Variants in DOCK7 observed in about 807,000 individuals in gnomAD.
The protein encoded by DOCK7 is dedicator of cytokinesis protein 7.
A neutral mutation model predicts 271.0 loss-of-function variants in DOCK7; 138 were observed. That is an observed-to-expected ratio of 0.51 (90% CI 0.44 to 0.59). The LOEUF is 0.59. Among genes scored for constraint, DOCK7 ranks in the 20% least tolerant of loss-of-function variants. The probability of loss-of-function intolerance (pLI) is 0.00; values close to 1 mark genes in which losing one functional copy is unlikely to be tolerated. For missense variants in DOCK7, 2,066 were observed against 2,592.4 expected (o/e 0.80, Z 4.41); for synonymous variants, 823 against 876.1 (o/e 0.94, Z 1.07).
intron 2 of DOCK7, among the ~76,000 whole-genome samples, chr1:62,662,733 C>T (rs891691933): frequency 1.3e-5 from 2 of 152,056 alleles, no homozygotes; most frequent in Non-Finnish European, 2.9e-5. Flanking sequence ...TGCACTCCAG[C>T]CTGGGCGACA....
intron 1 of DOCK7, among the ~76,000 whole-genome samples, chr1:62,664,891 G>C (rs1039748230): frequency 8.5e-5 from 13 of 152,106 alleles, no homozygotes; most frequent in Non-Finnish European, 1.6e-4. Flanking sequence ...TGAAATCTTT[G>C]AGAGGGAGAA....
At chr1:62,601,993 T>C (rs933284403) in intron 14 of DOCK7, 2 of 658,150 alleles carry the variant, frequency 3.0e-6, no homozygotes, top group Admixed American at 5.1e-5. Flanking sequence ...GAAATATATA[T>C]GAGTATTCGT....
rs1391800815 is a variant in DOCK7 at position 62,555,887 on chromosome 1, A to G, written c.2534T>C (p.Leu845Pro). 4 of 1,613,986 alleles carry G rather than the reference A, an allele frequency of 2.5e-6. No homozygotes were observed. Among genetic ancestry groups the G allele is most frequent in the Non-Finnish European group, 3.4e-6 (4 of 1,179,944 alleles). Residue 845 changes from leucine (L) to proline (P), a missense_variant, in exon 21 of 50, where the codon CTT becomes CCT. Coordinates refer to ENST00000635253, the MANE Select transcript of DOCK7 (RefSeq NM_001367561.1). ...GAAAACATAATGAATATATGATGCAAGAAGGCTGTTTCTGCCATGCTGGTC... is the reference window on the plus strand; with the variant it reads ...GAAAACATAATGAATATATGATGCAGGAAGGCTGTTTCTGCCATGCTGGTC... The part of the protein sequence containing the change: ...NHDQHGRNSL[L>P]ASYIHYVFRL...
At chr1:62,604,649 T>G (rs1650691452) in intron 14 of DOCK7, 2 of 1,613,138 alleles carry the variant, frequency 1.2e-6, no homozygotes. Context: ...GGTGGTGGCA[T>G]GATGAGTGTG....
At chr1:62,562,020 T>TACA in intron 18 of DOCK7, among the ~76,000 whole-genome samples, 2 of 148,266 alleles carry the variant, frequency 1.3e-5, no homozygotes, top group African/African-American at 5.2e-5. Context: ...GTACATATAT[T>TACA]TTTATACACA....
chr1:62,572,703 C>G (rs552841035), intron 18 of DOCK7, among the ~76,000 whole-genome samples: 12 of 152,212 alleles, frequency 7.9e-5, no homozygotes, highest in African/African-American at 2.6e-4. Context: ...AAGGCCCCAC[C>G]CTTATAACCT....
chr1:62,561,066 T>G (rs989383078), intron 19 of DOCK7, among the ~76,000 whole-genome samples: 9 of 152,096 alleles, frequency 5.9e-5, no homozygotes, highest in Admixed American at 1.3e-4. Flanking sequence ...CAGTAATAAG[T>G]GCAGGGTAAG....
At chr1:62,481,907 C>T (rs1012799422) in intron 43 of DOCK7, 1 of 152,190 alleles carries the variant, frequency 6.6e-6, no homozygotes, top group Non-Finnish European at 1.5e-5. Context: ...TTCCACAATG[C>T]TTCCTTTAAG....
At chr1:62,618,595 G>T in intron 14 of DOCK7, 111 bp downstream of exon 14, 1 of 937,244 alleles carries the variant, frequency 1.1e-6, no homozygotes, top group Non-Finnish European at 1.6e-6. Context: ...AAGAGATAGA[G>T]TTAAGTAACA....
At chr1:62,512,078 G>C (rs954825111) in intron 33 of DOCK7, among the ~76,000 whole-genome samples, 1 of 151,912 alleles carries the variant, frequency 6.6e-6, no homozygotes, top group Non-Finnish European at 1.5e-5. Context: ...GTGAAAAAAT[G>C]GTGCTCTATT....
intron 7 of DOCK7, among the ~76,000 whole-genome samples, chr1:62,637,814 A>T (rs1655469252): frequency 1.3e-5 from 2 of 152,172 alleles, no homozygotes; most frequent in South Asian, 4.1e-4. Flanking sequence ...AATAACCAAA[A>T]ATTAGAAAAG....
At chr1:62,601,084 CAGA>C in intron 14 of DOCK7, 1 of 1,560,374 alleles carries the variant, frequency 6.4e-7, no homozygotes, top group Non-Finnish European at 8.8e-7. Flanking sequence ...TTTATCAGCT[CAGA>C]AGGACTAGTA....
intron 14 of DOCK7, among the ~76,000 whole-genome samples, chr1:62,612,979 TC>T (rs1651981389): frequency 6.6e-6 from 1 of 152,234 alleles, no homozygotes; most frequent in Non-Finnish European, 1.5e-5. Flanking sequence ...AAACTGGATG[TC>T]AGTAAAACAC....
At chr1:62,527,479 G>A (rs1367798206) in intron 31 of DOCK7, among the ~76,000 whole-genome samples, 1 of 152,012 alleles carries the variant, frequency 6.6e-6, no homozygotes, top group African/African-American at 2.4e-5. Context: ...GTCCAACAAT[G>A]ATAGACTGGA....
Position 62,480,680 on chromosome 1 carries a change from T to C in DOCK7, c.5509-2855A>G, listed in dbSNP as rs1398965838. On this transcript the variant is annotated intron_variant, in intron 43 of 49. Coordinates refer to ENST00000635253, the MANE Select transcript of DOCK7 (RefSeq NM_001367561.1). Reference sequence around the variant, plus strand: ...ATTCAAATACTTATTGAGCCCTTACTATGTGTTAGCAAACTGTTCTAGATA... The same window carrying C: ...ATTCAAATACTTATTGAGCCCTTACCATGTGTTAGCAAACTGTTCTAGATA... 3.3e-5 allele frequency among the ~76,000 whole-genome samples: 5 copies of C among 152,192 alleles called. No homozygotes were observed. The East Asian group carries it at 9.6e-4, about 29-fold the overall frequency.
At position 62,618,773 on chromosome 1, in the gene DOCK7, C is replaced by T. The variant is rs1465867851; in HGVS notation, c.1615G>A (p.Val539Ile). 1.9e-6 allele frequency: 3 copies of T among 1,613,726 alleles called. No individual in the cohort carries two copies. The highest frequency in any genetic ancestry group is 2.5e-6 in the Non-Finnish European group (3 of 1,179,676). Residue 539 changes from valine (V) to isoleucine (I), a missense_variant, in exon 14 of 50, where the codon GTT becomes ATT. Val to Ile is a conservative substitution (Grantham distance 29, BLOSUM62 3). Coordinates refer to ENST00000635253, the MANE Select transcript of DOCK7 (RefSeq NM_001367561.1). Reference protein sequence around the residue: ...LQVKLYPDSRVRPTREILEFP... With the variant: ...LQVKLYPDSRIRPTREILEFP... ...TCTAAGATTTCTCTGGTAGGTCTAA[C>T]TCTACTGTCAGGGTAAAGCTTCACT...
chr1:62,582,599 G>GC (rs144467554), intron 16 of DOCK7, among the ~76,000 whole-genome samples: 1 of 125,560 alleles, frequency 8.0e-6, no homozygotes, highest in Admixed American at 7.8e-5. Flanking sequence ...AGAGCTGTGG[G>GC]CCCCAAAAAA....
chr1:62,583,195 T>C lies in DOCK7; in HGVS notation c.1860A>G (p.Val620=), dbSNP rs144838791. 1.7e-5 allele frequency: 28 copies of C among 1,612,334 alleles called. No homozygotes were observed. The African/African-American group carries it at 3.3e-4, about 19-fold the overall frequency. ...TTTGAATTCAGTACCTGTTATGATA[T>C]ACTACGGCTGTATAGGCTTCCTTTG... ...EFSKEAYTAV[V]YHNRSPDFHE... The change falls in exon 16 of 50, where the codon GTA becomes GTG. Residue 620 remains valine, a synonymous_variant. Coordinates refer to ENST00000635253, the MANE Select transcript of DOCK7 (RefSeq NM_001367561.1).
chr1:62,553,935 C>T (rs1235316730), intron 21 of DOCK7, among the ~76,000 whole-genome samples: 1 of 152,024 alleles, frequency 6.6e-6, no homozygotes, highest in Non-Finnish European at 1.5e-5. Flanking sequence ...GCTGGTGTCT[C>T]TTCCTTTTTT....
Sources: allele counts gnomAD v4.1 joint callset (sites outside exome capture counted in the v4.1 genomes callset), GRCh38; gene constraint gnomAD v4.1.1; transcripts MANE v1.5; gene names NCBI Gene and HGNC (gene_info 2026-07-23, HGNC 2026-07-21).